The following ERBB4 variants were observed in gnomAD, a reference collection of about 807,000 sequenced individuals.
ERBB4 encodes the protein erb-b2 receptor tyrosine kinase 4, also known as receptor tyrosine-protein kinase erbB-4.
In ERBB4, 42 loss-of-function variants were observed where a neutral mutation model predicts 158.0. That is an observed-to-expected ratio of 0.27 (90% CI 0.21 to 0.34). The LOEUF (loss-of-function observed/expected upper bound fraction) is 0.34, where lower values mean the gene tolerates loss of function less well. Among genes scored for constraint, ERBB4 ranks in the 10% least tolerant of loss-of-function variants. ERBB4 has a pLI of 1.00. For synonymous variants in ERBB4, 583 were observed against 558.7 expected, an observed-to-expected ratio of 1.04 and a Z score of -0.61; for missense variants, 1,333 against 1,624.1, an observed-to-expected ratio of 0.82 and a Z score of 3.08.
chr2:211,818,261 T>G (rs1421097324), intron 3 of ERBB4, among the ~76,000 whole-genome samples: 1 of 152,168 alleles, frequency 6.6e-6, no homozygotes, highest in Non-Finnish European at 1.5e-5. Flanking sequence ...GGGGACACCA[T>G]GCTGGACAAA....
At chr2:211,766,151 A>G (rs2075545335) in intron 4 of ERBB4, among the ~76,000 whole-genome samples, 1 of 152,212 alleles carries the variant, frequency 6.6e-6, no homozygotes, top group African/African-American at 2.4e-5. Flanking sequence ...CTGTGTAGAA[A>G]GAGCACCTAC....
chr2:212,517,826 T>C (rs2106303221), intron 1 of ERBB4, among the ~76,000 whole-genome samples: 1 of 152,220 alleles, frequency 6.6e-6, no homozygotes, highest in East Asian at 1.9e-4. Context: ...GTGTTATTTA[T>C]TTATACAGAA....
At chr2:211,408,776 C>T (rs556985741) in intron 25 of ERBB4, among the ~76,000 whole-genome samples, 7 of 152,186 alleles carry the variant, frequency 4.6e-5, no homozygotes, top group African/African-American at 1.7e-4. Flanking sequence ...ATTTAATAGG[C>T]CAAGAATTTA....
intron 3 of ERBB4, among the ~76,000 whole-genome samples, chr2:211,848,008 G>A (rs907377356): frequency 2.0e-5 from 3 of 152,022 alleles, no homozygotes; most frequent in African/African-American, 4.8e-5. Context: ...GAGACAGAGC[G>A]GGGCTTCAAA....
chr2:212,185,272 T>C (rs1170136056), intron 1 of ERBB4, among the ~76,000 whole-genome samples: 3 of 151,878 alleles, frequency 2.0e-5, no homozygotes, highest in Non-Finnish European at 4.4e-5. Context: ...TCTGCTGGAA[T>C]TGGCCTCCCA....
At chr2:211,436,811 A>T (rs2063864859) in intron 20 of ERBB4, among the ~76,000 whole-genome samples, 1 of 152,206 alleles carries the variant, frequency 6.6e-6, no homozygotes, top group Non-Finnish European at 1.5e-5. Context: ...TTTAACAATA[A>T]TTCACCCGAA....
chr2:211,716,730 A>G (rs895630076), intron 7 of ERBB4, among the ~76,000 whole-genome samples: 2 of 148,720 alleles, frequency 1.3e-5, no homozygotes, highest in Admixed American at 6.7e-5. Flanking sequence ...CAAAAAAAAA[A>G]GAAGAAGCTT....
chr2:212,397,592 C>T (rs1469728405), intron 1 of ERBB4, among the ~76,000 whole-genome samples: 1 of 151,992 alleles, frequency 6.6e-6, no homozygotes, highest in African/African-American at 2.4e-5. Context: ...GCATTCATAC[C>T]TTGTTATTAC....
chr2:211,560,882 A>G (rs2067373462), intron 20 of ERBB4, among the ~76,000 whole-genome samples: 2 of 152,096 alleles, frequency 1.3e-5, no homozygotes, highest in African/African-American at 4.8e-5. Flanking sequence ...TTTTTCTATA[A>G]TGTGCTTTTA....
At chr2:212,194,694 T>C (rs2082370179) in intron 1 of ERBB4, among the ~76,000 whole-genome samples, 1 of 151,898 alleles carries the variant, frequency 6.6e-6, no homozygotes, top group Non-Finnish European at 1.5e-5. Context: ...GACAGCTCTG[T>C]TTCAAAATTA....
intron 1 of ERBB4, among the ~76,000 whole-genome samples, chr2:212,298,783 T>G (rs1051316313): frequency 6.6e-6 from 1 of 151,792 alleles, no homozygotes; most frequent in African/African-American, 2.4e-5. Flanking sequence ...AATGATTTTT[T>G]TGTTGAGACA....
At chr2:212,206,399 A>G (rs2082745831) in intron 1 of ERBB4, among the ~76,000 whole-genome samples, 1 of 152,146 alleles carries the variant, frequency 6.6e-6, no homozygotes, top group African/African-American at 2.4e-5. Flanking sequence ...TGTTGGTTAC[A>G]ATCGCATGGG....
At chr2:212,398,107 T>C in intron 1 of ERBB4, among the ~76,000 whole-genome samples, 1 of 29,042 alleles carries the variant, frequency 3.4e-5, no homozygotes, top group East Asian at 2.9e-4. Flanking sequence ...TATATATGTG[T>C]GTGTGTGTGT....
chr2:212,101,404 C>T, intron 2 of ERBB4, among the ~76,000 whole-genome samples: 1 of 140,982 alleles, frequency 7.1e-6, no homozygotes, highest in Non-Finnish European at 1.6e-5. Context: ...ATAGAAAAGA[C>T]AAAATTTTCT....
chr2:211,549,713 C>T, intron 20 of ERBB4, among the ~76,000 whole-genome samples: 1 of 152,110 alleles, frequency 6.6e-6, no homozygotes, highest in Non-Finnish European at 1.5e-5. Context: ...GCAATAAACA[C>T]TTATGTGTCA....
chr2:211,894,327 G>A (rs930719625), intron 3 of ERBB4, among the ~76,000 whole-genome samples: 28 of 147,322 alleles, frequency 1.9e-4, no homozygotes, highest in African/African-American at 6.1e-4. Context: ...AACCAAACAC[G>A]GCATATTCTC....
At chr2:211,645,747 T>C (rs1166817701) in intron 16 of ERBB4, among the ~76,000 whole-genome samples, 1 of 151,772 alleles carries the variant, frequency 6.6e-6, no homozygotes, top group Non-Finnish European at 1.5e-5. Context: ...CAAATTTATG[T>C]ATTTTATAAT....
chr2:211,893,103 T>G (rs190668758), intron 3 of ERBB4, among the ~76,000 whole-genome samples: 5,302 of 126,946 alleles, frequency 0.042, 158 homozygotes, highest in African/African-American at 0.079. Flanking sequence ...CATCGCCAAG[T>G]CAATCCTAAG....
intron 1 of ERBB4, among the ~76,000 whole-genome samples, chr2:212,456,567 A>T (rs553728995): frequency 2.4e-4 from 19 of 80,380 alleles, no homozygotes; most frequent in African/African-American, 8.4e-4. Flanking sequence ...TTCCTCTCTT[A>T]AAAAAAAAAA....
Sources: gnomAD v4.1 joint callset for allele counts (sites outside exome capture counted in the v4.1 genomes callset) on GRCh38, gnomAD v4.1.1 for gene constraint, MANE v1.5 for transcripts, NCBI Gene and HGNC (gene_info 2026-07-23, HGNC 2026-07-21) for gene names.